Variants in KDELR1 observed in about 807,000 individuals in gnomAD.
KDELR1 encodes the protein ER lumen protein-retaining receptor 1.
Under a neutral mutation model 25.5 loss-of-function variants are expected in KDELR1, and 16 were observed. The observed-to-expected ratio is 0.63, with a 90% CI of 0.43 to 0.95. The LOEUF (loss-of-function observed/expected upper bound fraction) is 0.95, where lower values mean the gene tolerates loss of function less well. Ranked by LOEUF, KDELR1 falls within the 40% of genes least tolerant of loss-of-function variation. The probability of loss-of-function intolerance (pLI) is 0.00; values close to 1 mark genes in which losing one functional copy is unlikely to be tolerated. For synonymous variants in KDELR1, 121 were observed against 115.0 expected (o/e 1.05, Z -0.33); for missense variants, 159 against 265.2 (o/e 0.60, Z 2.78).
chr19:48,387,976 A>C (rs1970509537), intron 3 of KDELR1, among the ~76,000 whole-genome samples: 1 of 152,266 alleles, frequency 6.6e-6, no homozygotes, highest in African/African-American at 2.4e-5. Flanking sequence ...CCATGGAATA[A>C]AAATCATTAA....
chr19:48,384,058 G>A lies in KDELR1; in HGVS notation c.604+172C>T, dbSNP rs888695222. 6.6e-6 allele frequency among the ~76,000 whole-genome samples: 1 copy of A among 152,196 alleles called. No individual in the cohort carries two copies. The highest frequency in any genetic ancestry group is 1.5e-5 in the Non-Finnish European group (1 of 68,024). ...AAACTCCTTAGCCCTTAGGGAGGCA[G>A]AGGCTAACGGTCTGAATTCCTAGGA... On this transcript the variant is annotated intron_variant, in intron 4 of 4. Coordinates refer to ENST00000330720, the MANE Select transcript of KDELR1 (RefSeq NM_006801.3). This position sits in a 1 kb window ranked among gnomAD's most constrained non-coding sequence, Gnocchi z 4.6.
chr19:48,386,083 G>A (rs187733806), intron 3 of KDELR1, among the ~76,000 whole-genome samples: 26 of 150,592 alleles, frequency 1.7e-4, no homozygotes, highest in African/African-American at 2.9e-4. Flanking sequence ...CAGAGTCACC[G>A]TTTAAAGAGA....
In KDELR1 at chr19:48,384,004, G is replaced by A. The variant is rs1411365804; in HGVS notation, c.604+226C>T. ...TGAGTCCCTGCCCTGCCTGGCCTACGCTCCAAGTGACATGGGGGCTAAGGA... is the reference window on the plus strand; with the variant it reads ...TGAGTCCCTGCCCTGCCTGGCCTACACTCCAAGTGACATGGGGGCTAAGGA... On this transcript the variant is annotated intron_variant, in intron 4 of 4. Transcript: ENST00000330720. This position sits in a 1 kb window ranked among gnomAD's most constrained non-coding sequence, Gnocchi z 4.6. Among the ~76,000 whole-genome samples, 5 of 152,300 alleles carry A rather than the reference G, an allele frequency of 3.3e-5. No individual in the cohort carries two copies. The highest frequency in any genetic ancestry group is 2.1e-4 in the South Asian group (1 of 4,826).
chr19:48,388,583 G>A (rs1478269868), intron 3 of KDELR1, among the ~76,000 whole-genome samples: 1 of 152,062 alleles, frequency 6.6e-6, no homozygotes, highest in Non-Finnish European at 1.5e-5. Context: ...CTACTCGGGA[G>A]GCTGAGGCAG....
At chr19:48,390,647 A>C in intron 1 of KDELR1, 123 bp from the exon 2 acceptor site, 1 of 690,042 alleles carries the variant, frequency 1.4e-6, no homozygotes, top group Non-Finnish European at 2.4e-6. Flanking sequence ...GCAATAAACT[A>C]AGGCAGGGCG....
In KDELR1 at chr19:48,382,948, G is replaced by T; in HGVS notation, c.*345C>A. On this transcript the variant is annotated 3_prime_UTR_variant, in exon 5 of 5. Transcript: ENST00000330720. ...GGAGGGAGCCGAGGGGCCTGGGGAA[G>T]GGAAAAGATCTTGGACCCTGCCCCG... The T allele has an allele frequency of 3.9e-6, 1 of 256,034 alleles. No individual in the cohort carries two copies. The highest frequency in any genetic ancestry group is 7.5e-6 in the Non-Finnish European group (1 of 132,976). 15.9% of individuals were successfully genotyped at this position (256,034 alleles called of 1,614,324 possible). A position where few individuals can be genotyped will look rare whatever the true frequency, so the allele number is the denominator to read the frequency against.
upstream of KDELR1, among the ~76,000 whole-genome samples, chr19:48,393,268 G>A (rs1394986510): frequency 6.6e-6 from 1 of 152,120 alleles, no homozygotes; most frequent in Non-Finnish European, 1.5e-5. This position sits in a 1 kb window ranked among gnomAD's most constrained non-coding sequence, Gnocchi z 5.6. Context: ...GACCAGGGTC[G>A]AGACCTGGTT....
chr19:48,391,190 A>T (rs1970546635), intron 1 of KDELR1, 78 bp downstream of exon 1: 4 of 1,303,594 alleles, frequency 3.1e-6, no homozygotes, highest in Non-Finnish European at 4.3e-6. Context: ...GTGCCCCCAA[A>T]CCCTTCCTGA....
intron 4 of KDELR1, among the ~76,000 whole-genome samples, chr19:48,383,662 T>C (rs1417630911): frequency 6.6e-6 from 1 of 152,122 alleles, no homozygotes; most frequent in Non-Finnish European, 1.5e-5. Flanking sequence ...TGCACCACCA[T>C]GCCCAGCTAA....
upstream of KDELR1, among the ~76,000 whole-genome samples, chr19:48,394,676 G>A (rs897894729): frequency 6.6e-6 from 1 of 152,184 alleles, no homozygotes; most frequent in Non-Finnish European, 1.5e-5. This position sits in a 1 kb window ranked among gnomAD's most constrained non-coding sequence, Gnocchi z 5.1. Flanking sequence ...GTGTAGCCAC[G>A]TCCTCGCCTA....
At chr19:48,387,863 G>A (rs1156568473) in intron 3 of KDELR1, 2 of 152,140 alleles carry the variant, frequency 1.3e-5, no homozygotes, top group African/African-American at 4.8e-5. Flanking sequence ...AGGTTACCCT[G>A]AATTTATGAT....
At chr19:48,392,202 C>G (rs376740462), upstream of KDELR1, among the ~76,000 whole-genome samples, 450 of 121,330 alleles carry the variant, frequency 3.7e-3, 5 homozygotes, top group African/African-American at 0.014. Context: ...AGACCCAGGA[C>G]TCCAGGCCCC....
In KDELR1 at chr19:48,390,419, T is replaced by C. The variant is rs1970536479; in HGVS notation, c.192+5A>G. Reference sequence around the variant, plus strand: ...GGGGCCAGAGAGGTGGGGTGGAGCCTCTACCTTCATACACGTGTTGTAGAG... The same window carrying C: ...GGGGCCAGAGAGGTGGGGTGGAGCCCCTACCTTCATACACGTGTTGTAGAG... On this transcript the variant is annotated splice_donor_5th_base_variant and intron_variant, in intron 2 of 4. Transcript: ENST00000330720. 7.5e-6 allele frequency: 12 copies of C among 1,609,802 alleles called. No individual in the cohort carries two copies. The East Asian group carries it at 2.7e-4, about 36-fold the overall frequency.
chr19:48,383,585 C>T (rs1186519028), intron 4 of KDELR1, among the ~76,000 whole-genome samples: 2 of 152,134 alleles, frequency 1.3e-5, no homozygotes, highest in Non-Finnish European at 2.9e-5. Context: ...GTCACAGCTC[C>T]ATGCAGCCTT....
At chr19:48,391,187 C>G in intron 1 of KDELR1, 81 bp downstream of exon 1, 1 of 1,291,246 alleles carries the variant, frequency 7.7e-7, no homozygotes, top group Non-Finnish European at 1.1e-6. Flanking sequence ...CTAGTGCCCC[C>G]AAACCCTTCC....
upstream of KDELR1, among the ~76,000 whole-genome samples, chr19:48,391,750 G>GC (rs766852511): frequency 4.6e-4 from 70 of 152,272 alleles, no homozygotes; most frequent in Non-Finnish European, 8.8e-4. Flanking sequence ...GTTCGCCCAG[G>GC]CAGTCTGTGT....
chr19:48,390,565 G>T, intron 1 of KDELR1, 41 bp from the exon 2 acceptor site: 1 of 745,402 alleles, frequency 1.3e-6, no homozygotes, highest in Non-Finnish European at 2.0e-6. Flanking sequence ...GAGAGAGACA[G>T]AGAGAGAGAG....
In KDELR1 at chr19:48,384,088, G is replaced by A; in HGVS notation, c.604+142C>T. 1 of 990,914 alleles carries A rather than the reference G, an allele frequency of 1.0e-6. No homozygotes were observed. The highest frequency in any genetic ancestry group is 1.5e-6 in the Non-Finnish European group (1 of 676,092). The allele number at this position is 990,914 out of a possible 1,614,324, so 61.4% of individuals were successfully genotyped here. A position where few individuals can be genotyped will look rare whatever the true frequency, so the allele number is the denominator to read the frequency against. ...TAACGGTCTGAATTCCTAGGAGGATGGTAGGCCTGCCACCCCAGAAACCCG... is the reference window on the plus strand; with the variant it reads ...TAACGGTCTGAATTCCTAGGAGGATAGTAGGCCTGCCACCCCAGAAACCCG... On this transcript the variant is annotated intron_variant, in intron 4 of 4. Transcript: ENST00000330720. This position sits in a 1 kb window ranked among gnomAD's most constrained non-coding sequence, Gnocchi z 4.6.
intron 1 of KDELR1, 77 bp downstream of exon 1, chr19:48,391,191 C>A: frequency 7.6e-7 from 1 of 1,314,938 alleles, no homozygotes; most frequent in South Asian, 1.3e-5. Context: ...TGCCCCCAAA[C>A]CCTTCCTGAG....
Sources: allele counts gnomAD v4.1 joint callset (sites outside exome capture counted in the v4.1 genomes callset), GRCh38; gene constraint gnomAD v4.1.1; non-coding constraint Gnocchi (gnomAD v3.1); transcripts MANE v1.5; gene names NCBI Gene and HGNC (gene_info 2026-07-23, HGNC 2026-07-21).